Variants in GXYLT1 observed in about 807,000 individuals in gnomAD.
GXYLT1 encodes glucoside xylosyltransferase 1.
Under a neutral mutation model 54.0 loss-of-function variants are expected in GXYLT1, and 29 were observed. That is an observed-to-expected ratio of 0.54 (90% CI 0.40 to 0.73). GXYLT1 has a LOEUF of 0.73. Among genes scored for constraint, GXYLT1 ranks in the 30% least tolerant of loss-of-function variants. The probability of loss-of-function intolerance (pLI) is 0.00; values close to 1 mark genes in which losing one functional copy is unlikely to be tolerated. For synonymous variants in GXYLT1, 176 were observed against 204.1 expected (o/e 0.86, Z 1.17); for missense variants, 490 against 553.4 (o/e 0.89, Z 1.15).
chr12:42,110,675 C>T (rs2065448139), intron 3 of GXYLT1, among the ~76,000 whole-genome samples: 1 of 152,182 alleles, frequency 6.6e-6, no homozygotes, highest in African/African-American at 2.4e-5. Flanking sequence ...TCAGGCCTCC[C>T]AAGTAGCTGG....
At position 42,144,519 on chromosome 12, in the gene GXYLT1, G is replaced by C; in HGVS notation, c.128C>G (p.Ala43Gly). 5.6e-6 allele frequency: 8 copies of C among 1,420,360 alleles called. No individual in the cohort carries two copies. Among genetic ancestry groups the C allele is most frequent in the Non-Finnish European group, 6.5e-6 (7 of 1,083,394 alleles). 88.0% of individuals were successfully genotyped at this position (1,420,360 alleles called of 1,614,324 possible). Residue 43 changes from alanine (A) to glycine (G), a missense_variant, in exon 1 of 8, where the codon GCC becomes GGC. By Grantham distance (60) the Ala-to-Gly change is moderately conservative. Coordinates refer to ENST00000398675, the MANE Select transcript of GXYLT1 (RefSeq NM_173601.2). Reference sequence around the variant, plus strand: ...GCCCGCGAGCCAGGAAGCCACCGCGGCCTGCGGCTTCCCGCCACCGCCGCC... The same window carrying C: ...GCCCGCGAGCCAGGAAGCCACCGCGCCCTGCGGCTTCCCGCCACCGCCGCC... ...GTGGGGGKPQ[A>G]AVASWLAGGG...
rs2065362209 is a variant in GXYLT1, at chr12:42,097,478, T to C, written c.1125A>G (p.Gln375=). The C allele has an allele frequency of 1.3e-6, 2 of 1,598,932 alleles. No homozygotes were observed. The highest frequency in any genetic ancestry group is 1.1e-5 in the South Asian group (1 of 87,736). Residue 375 remains glutamine, a synonymous_variant, in exon 7 of 8, where the codon CAA becomes CAG. Transcript: ENST00000398675. ...CTTCATAAACAGCTCTAAATGCTGG[T>C]TGCTTATCGTCATGGTAAACACCTC... is the stretch of plus-strand genomic sequence containing the variant. ...GNRGVYHDDK[Q]PAFRAVYEAL...
chr12:42,114,733 C>T (rs1262395810), intron 3 of GXYLT1, among the ~76,000 whole-genome samples: 2 of 151,990 alleles, frequency 1.3e-5, no homozygotes, highest in Non-Finnish European at 2.9e-5. Context: ...CCTTCTGAAA[C>T]TATTCCAATC....
intron 2 of GXYLT1, among the ~76,000 whole-genome samples, chr12:42,129,224 G>A (rs1454071160): frequency 2.6e-5 from 4 of 152,082 alleles, no homozygotes; most frequent in South Asian, 2.1e-4. Context: ...GAATAAAGCC[G>A]AACTAGTCAG....
At chr12:42,102,108 T>G (rs901328460) in intron 5 of GXYLT1, among the ~76,000 whole-genome samples, 1 of 152,232 alleles carries the variant, frequency 6.6e-6, no homozygotes, top group African/African-American at 2.4e-5. Flanking sequence ...ACATGTATGT[T>G]ACATCAAGAT....
At chr12:42,099,591 G>A (rs1217089470) in intron 5 of GXYLT1, among the ~76,000 whole-genome samples, 1 of 152,132 alleles carries the variant, frequency 6.6e-6, no homozygotes, top group Admixed American at 6.5e-5. Context: ...AGCGACTCAC[G>A]CCTGTAATCC....
chr12:42,139,534 C>T (rs544301653), intron 1 of GXYLT1, among the ~76,000 whole-genome samples: 10 of 152,202 alleles, frequency 6.6e-5, no homozygotes, highest in African/African-American at 2.2e-4. Context: ...AGGGAGAAGG[C>T]GCCATCTATG....
chr12:42,088,331 T>C (rs2065309543), intron 7 of GXYLT1, among the ~76,000 whole-genome samples: 1 of 151,740 alleles, frequency 6.6e-6, no homozygotes, highest in Admixed American at 6.6e-5. Flanking sequence ...CTGGCAATAA[T>C]ACTGCTGAGG....
At chr12:42,144,002 TCACACA>T (rs146444482) in intron 1 of GXYLT1, among the ~76,000 whole-genome samples, 2 of 150,608 alleles carry the variant, frequency 1.3e-5, no homozygotes, top group African/African-American at 4.9e-5. Flanking sequence ...ACATATACAC[TCACACA>T]CACACACACA....
At chr12:42,134,713 A>G (rs2065610224) in intron 1 of GXYLT1, among the ~76,000 whole-genome samples, 1 of 152,186 alleles carries the variant, frequency 6.6e-6, no homozygotes, top group African/African-American at 2.4e-5. Context: ...CACAATCTTC[A>G]GTTGAAACTG....
intron 1 of GXYLT1, among the ~76,000 whole-genome samples, chr12:42,135,146 G>A (rs1047027576): frequency 6.6e-6 from 1 of 152,208 alleles, no homozygotes; most frequent in Non-Finnish European, 1.5e-5. Flanking sequence ...TGGCATCAAA[G>A]TAGAAGCTTC....
intron 7 of GXYLT1, among the ~76,000 whole-genome samples, chr12:42,088,939 A>G (rs1747047953): frequency 1.6e-5 from 1 of 61,078 alleles, no homozygotes; most frequent in South Asian, 8.6e-4. Flanking sequence ...GTCAATCTAC[A>G]GAGAAGAGGA....
rs1003443803 is a variant in GXYLT1, at chr12:42,096,391, A to C, written c.1161+1051T>G. The stretch of plus-strand genomic sequence containing the variant: ...GGTACTCAAAAAAAGTGATGAGGAC[A>C]TGTCAAAGGGACACAAGAAGTAGCC... On this transcript the variant is annotated intron_variant, in intron 7 of 7. Coordinates refer to ENST00000398675, the MANE Select transcript of GXYLT1 (RefSeq NM_173601.2). Among the ~76,000 whole-genome samples the C allele has an allele frequency of 3.3e-5, 5 of 152,212 alleles. 1 individual carries two copies. Among genetic ancestry groups the C allele is most frequent in the African/African-American group, 1.2e-4 (5 of 41,462 alleles).
chr12:42,140,901 CTGAG>C (rs1383528915), intron 1 of GXYLT1, among the ~76,000 whole-genome samples: 4 of 152,154 alleles, frequency 2.6e-5, no homozygotes, highest in African/African-American at 7.2e-5. Flanking sequence ...TTTAATCATC[CTGAG>C]TAACTAAAAT....
Position 42,126,747 on chromosome 12 carries a change from G to A in GXYLT1, c.314+3012C>T, listed in dbSNP as rs1049126824. The stretch of plus-strand genomic sequence containing the variant: ...CTCTCTACAAAAACAGCTGGGCGCA[G>A]TGGCAGATGCCTGTAGTCCCAGCTC... On this transcript the variant is annotated intron_variant, in intron 2 of 7. Coordinates refer to ENST00000398675, the MANE Select transcript of GXYLT1 (RefSeq NM_173601.2). Among the ~76,000 whole-genome samples, 11 of 152,202 alleles carry A rather than the reference G, an allele frequency of 7.2e-5. No homozygotes were observed. The East Asian group carries it at 1.9e-3, about 27-fold the overall frequency.
Position 42,087,750 on chromosome 12 carries a change from T to G in GXYLT1, c.*36A>C. On this transcript the variant is annotated 3_prime_UTR_variant, in exon 8 of 8. Coordinates refer to ENST00000398675, the MANE Select transcript of GXYLT1 (RefSeq NM_173601.2). ...TCCTTCACACTTATCTTCTGATTCT[T>G]TGTTTTCATCCATTTGATTAAGCAG... 6.8e-7 allele frequency: 1 copy of G among 1,473,350 alleles called. No homozygotes were observed. Among genetic ancestry groups the G allele is most frequent in the Non-Finnish European group, 9.3e-7 (1 of 1,072,354 alleles). 91.3% of individuals were successfully genotyped at this position (1,473,350 alleles called of 1,614,324 possible).
intron 7 of GXYLT1, among the ~76,000 whole-genome samples, chr12:42,092,122 T>C (rs2136873912): frequency 1.3e-5 from 2 of 152,304 alleles, no homozygotes; most frequent in Middle Eastern, 6.8e-3. Context: ...TCTGTCACCA[T>C]GGATTATAGT....
At chr12:42,095,637 G>C (rs746458908) in intron 7 of GXYLT1, among the ~76,000 whole-genome samples, 6 of 152,120 alleles carry the variant, frequency 3.9e-5, no homozygotes, top group Non-Finnish European at 8.8e-5. Flanking sequence ...GGGGCAGTTA[G>C]GATAAACGGG....
intron 3 of GXYLT1, among the ~76,000 whole-genome samples, chr12:42,115,011 T>C (rs886573692): frequency 2.5e-4 from 38 of 152,196 alleles, no homozygotes; most frequent in South Asian, 1.0e-3. Flanking sequence ...AGCATATAAA[T>C]AGAACCAAAG....
Sources: allele counts gnomAD v4.1 joint callset (sites outside exome capture counted in the v4.1 genomes callset), GRCh38; gene constraint gnomAD v4.1.1; transcripts MANE v1.5; gene names NCBI Gene and HGNC (gene_info 2026-07-23, HGNC 2026-07-21).